SLC35E2B: variants seen among roughly 807,000 people sequenced by gnomAD.
SLC35E2B encodes solute carrier family 35 member E2B.
In SLC35E2B, 18 loss-of-function variants were observed where a neutral mutation model predicts 32.4. That is an observed-to-expected ratio of 0.56 (90% CI 0.38 to 0.82). The LOEUF is 0.82. SLC35E2B is among the 40% of genes least tolerant of loss of function. The probability of loss-of-function intolerance (pLI) is 0.00; values close to 1 mark genes in which losing one functional copy is unlikely to be tolerated. For synonymous variants in SLC35E2B, 132 were observed against 209.1 expected, an observed-to-expected ratio of 0.63 and a Z score of 3.18; for missense variants, 263 against 469.5, an observed-to-expected ratio of 0.56 and a Z score of 4.06.
At chr1:1,666,325 AGAG>A (rs1643545224) in intron 9 of SLC35E2B, among the ~76,000 whole-genome samples, 1 of 152,278 alleles carries the variant, frequency 6.6e-6, no homozygotes, top group South Asian at 2.1e-4. Context: ...TAAAAAAGGC[AGAG>A]GAGGAGAAAC....
intron 6 of SLC35E2B, 185 bp downstream of exon 6, chr1:1,671,324 G>T: frequency 1.7e-6 from 1 of 572,584 alleles, no homozygotes; most frequent in Non-Finnish European, 2.7e-6. Flanking sequence ...CTGAAATTTC[G>T]GCTTATTTTT....
chr1:1,669,733 G>A lies in SLC35E2B; in HGVS notation c.765C>T (p.Ala255=). The change falls in exon 8 of 10, where the codon GCC becomes GCT. Residue 255 remains alanine, a synonymous_variant. Coordinates refer to ENST00000617444, the MANE Select transcript of SLC35E2B (RefSeq NM_001290264.2). ...LLSGDKYRFS[A]PELQFYTSAA... is the part of the protein sequence containing the mutation. The stretch of plus-strand genomic sequence containing the variant: ...CGCTGGTGTAGAACTGCAGCTCCGG[G>A]GCCCTGTGGGTGACAGAACACGCTG... 1 of 1,547,192 alleles carries A rather than the reference G, an allele frequency of 6.5e-7. No individual in the cohort carries two copies. Among genetic ancestry groups the A allele is most frequent in the Non-Finnish European group, 8.7e-7 (1 of 1,145,374 alleles).
intron 9 of SLC35E2B, among the ~76,000 whole-genome samples, chr1:1,666,792 G>A (rs189980368): frequency 2.6e-5 from 4 of 151,462 alleles, no homozygotes; most frequent in East Asian, 1.9e-4. Flanking sequence ...GGCCGGGCAC[G>A]GGGGCTCAGC....
chr1:1,665,577 TG>T lies in SLC35E2B; in HGVS notation c.*204del. The T allele has an allele frequency of 1.3e-6, 1 of 743,820 alleles. No homozygotes were observed. The highest frequency in any genetic ancestry group is 2.1e-6 in the Non-Finnish European group (1 of 468,900). The allele number at this position is 743,820 out of a possible 1,614,324, so 46.1% of individuals were successfully genotyped here. A position where few individuals can be genotyped will look rare whatever the true frequency, so the allele number is the denominator to read the frequency against. On this transcript the variant is annotated 3_prime_UTR_variant, in exon 10 of 10. Transcript: ENST00000617444. ...CGGCGGACACAGTCAGCTACTGGTC[TG>T]GTCTCTACTCCAGGAAGCTGATACC...
intron 2 of SLC35E2B, among the ~76,000 whole-genome samples, chr1:1,683,514 C>T (rs575998853): frequency 1.3e-5 from 2 of 152,338 alleles, no homozygotes; most frequent in Non-Finnish European, 2.9e-5. Context: ...GGTTTCAGGC[C>T]CTCTCTGGGC....
intron 7 of SLC35E2B, 62 bp downstream of exon 7, chr1:1,670,036 C>A (rs752936487): frequency 7.1e-7 from 1 of 1,410,904 alleles, no homozygotes; most frequent in Non-Finnish European, 9.8e-7. Flanking sequence ...CTGACTCTTA[C>A]AGTGAGCAGG....
chr1:1,679,787 G>A lies in SLC35E2B; in HGVS notation c.-147-2941C>T, dbSNP rs146599966. Among the ~76,000 whole-genome samples, 676 of 139,608 alleles carry A rather than the reference G, an allele frequency of 4.8e-3. 9 individuals are homozygous for A. The highest frequency in any genetic ancestry group is 0.034 in the East Asian group (158 of 4,678). The allele number at this position is 139,608 out of a possible 152,430, so 91.6% of individuals were successfully genotyped here. ...GCAGAGCTTGCAGTGAGCTGAGATC[G>A]CGCCATTGCACCCCAGCCTGAGCAA... is the stretch of plus-strand genomic sequence containing the variant. On this transcript the variant is annotated intron_variant, in intron 2 of 9. Transcript: ENST00000617444.
rs1643443021 is a variant in SLC35E2B, at chr1:1,662,941, G to A, written c.*2841C>T. 1.1e-6 allele frequency: 1 copy of A among 891,542 alleles called. No homozygotes were observed. The highest frequency in any genetic ancestry group is 4.9e-5 in the South Asian group (1 of 20,306). The allele number at this position is 891,542 out of a possible 1,614,324, so 55.2% of individuals were successfully genotyped here. On this transcript the variant is annotated 3_prime_UTR_variant, in exon 10 of 10. Transcript: ENST00000617444. ...ATTACACAAAGTTATTTTAAAAAAT[G>A]TCTGTACAATCGTTAACACGGCCAA...
At chr1:1,666,388 C>T (rs764476324) in intron 9 of SLC35E2B, among the ~76,000 whole-genome samples, 4 of 152,134 alleles carry the variant, frequency 2.6e-5, no homozygotes, top group South Asian at 2.1e-4. Flanking sequence ...TCATGACATC[C>T]GCCTCATCAG....
At chr1:1,675,386 G>A in intron 5 of SLC35E2B, 77 bp downstream of exon 5, 5 of 1,444,350 alleles carry the variant, frequency 3.5e-6, no homozygotes, top group Non-Finnish European at 4.6e-6. Context: ...CCCATGGCAG[G>A]CAGCAGAGAC....
At position 1,673,735 on chromosome 1, in the gene SLC35E2B, T is replaced by G. The variant is rs370005891; in HGVS notation, c.586+1728A>C. Among the ~76,000 whole-genome samples the G allele has an allele frequency of 2.3e-3, 347 of 151,190 alleles. 1 individual carries two copies. The highest frequency in any genetic ancestry group is 7.7e-3 in the African/African-American group (317 of 41,106). On this transcript the variant is annotated intron_variant, in intron 5 of 9. Transcript: ENST00000617444. ...CCCAGCACTTTGGGAGGCTGAGGCGTGCGGATCAACGAGGTCAGGAGATCG... is the reference window on the plus strand; with the variant it reads ...CCCAGCACTTTGGGAGGCTGAGGCGGGCGGATCAACGAGGTCAGGAGATCG...
intron 2 of SLC35E2B, among the ~76,000 whole-genome samples, chr1:1,678,318 C>T (rs1643871162): frequency 2.0e-5 from 3 of 152,102 alleles, no homozygotes; most frequent in Admixed American, 1.3e-4. Flanking sequence ...CTCAGGCCGG[C>T]CTCTCCCCCA....
At chr1:1,674,112 G>A (rs1643778694) in intron 5 of SLC35E2B, 1 of 175,608 alleles carries the variant, frequency 5.7e-6, no homozygotes, top group Non-Finnish European at 1.3e-5. Flanking sequence ...CTATTGCTTA[G>A]AGGAAAATTC....
rs1171037900 is a variant in SLC35E2B at position 1,664,385 on chromosome 1, A to C, written c.*1397T>G. On this transcript the variant is annotated 3_prime_UTR_variant, in exon 10 of 10. Transcript: ENST00000617444. ...CCAGTGAAGTGACCATGGGTGCCAA[A>C]GGCCTAAAGAGCAGGCAGGGAAATG... 1 of 940,080 alleles carries C rather than the reference A, an allele frequency of 1.1e-6. No homozygotes were observed. Among genetic ancestry groups the C allele is most frequent in the African/African-American group, 1.8e-5 (1 of 56,402 alleles). The allele number at this position is 940,080 out of a possible 1,614,324, so 58.2% of individuals were successfully genotyped here.
In SLC35E2B at chr1:1,665,003, A is replaced by G. The variant is rs1643504159; in HGVS notation, c.*779T>C. 8.2e-6 allele frequency: 8 copies of G among 979,782 alleles called. No homozygotes were observed. The highest frequency in any genetic ancestry group is 7.3e-6 in the Non-Finnish European group (6 of 824,982). The allele number at this position is 979,782 out of a possible 1,614,324, so 60.7% of individuals were successfully genotyped here. A position where few individuals can be genotyped will look rare whatever the true frequency, so the allele number is the denominator to read the frequency against. On this transcript the variant is annotated 3_prime_UTR_variant, in exon 10 of 10. Coordinates refer to ENST00000617444, the MANE Select transcript of SLC35E2B (RefSeq NM_001290264.2). ...ACACGAGAGGTTTGTCCTCAACCTC[A>G]GGGCTGGAAACCCCCACAGGTAGGA...
intron 2 of SLC35E2B, among the ~76,000 whole-genome samples, chr1:1,685,017 GA>G (rs1206776218): frequency 6.7e-6 from 1 of 150,224 alleles, no homozygotes; most frequent in Non-Finnish European, 1.5e-5. Flanking sequence ...TTAGGCAGGA[GA>G]ATCACTTGAA....
chr1:1,670,199 G>C (rs1197080283), intron 6 of SLC35E2B, 48 bp from the exon 7 acceptor site: 1 of 1,347,936 alleles, frequency 7.4e-7, no homozygotes, highest in East Asian at 2.5e-5. Context: ...CCTCGGCACG[G>C]AACATCAGGG....
Position 1,662,945 on chromosome 1 carries a change from G to C in SLC35E2B, c.*2837C>G. 2 of 900,576 alleles carry C rather than the reference G, an allele frequency of 2.2e-6. No individual in the cohort carries two copies. Among genetic ancestry groups the C allele is most frequent in the Non-Finnish European group, 2.7e-6 (2 of 751,284 alleles). 55.8% of individuals were successfully genotyped at this position (900,576 alleles called of 1,614,324 possible). A position where few individuals can be genotyped will look rare whatever the true frequency, so the allele number is the denominator to read the frequency against. ...CACAAAGTTATTTTAAAAAATGTCTGTACAATCGTTAACACGGCCAAGCCA... is the reference window on the plus strand; with the variant it reads ...CACAAAGTTATTTTAAAAAATGTCTCTACAATCGTTAACACGGCCAAGCCA... On this transcript the variant is annotated 3_prime_UTR_variant, in exon 10 of 10. Coordinates refer to ENST00000617444, the MANE Select transcript of SLC35E2B (RefSeq NM_001290264.2).
chr1:1,663,682 G>T lies in SLC35E2B; in HGVS notation c.*2100C>A. On this transcript the variant is annotated 3_prime_UTR_variant, in exon 10 of 10. Coordinates refer to ENST00000617444, the MANE Select transcript of SLC35E2B (RefSeq NM_001290264.2). ...GACAGGGTTTCATCATGTTGGCCAGGCTGGTCTCGAACTCCTGGCCTTGTG... is the reference window on the plus strand; with the variant it reads ...GACAGGGTTTCATCATGTTGGCCAGTCTGGTCTCGAACTCCTGGCCTTGTG... 3.6e-6 allele frequency: 1 copy of T among 274,000 alleles called. No individual in the cohort carries two copies. The highest frequency in any genetic ancestry group is 5.6e-6 in the Non-Finnish European group (1 of 179,800). 17.0% of individuals were successfully genotyped at this position (274,000 alleles called of 1,614,324 possible). A position where few individuals can be genotyped will look rare whatever the true frequency, so the allele number is the denominator to read the frequency against.
Sources: allele counts gnomAD v4.1 joint callset (sites outside exome capture counted in the v4.1 genomes callset), GRCh38; gene constraint gnomAD v4.1.1; transcripts MANE v1.5; gene names NCBI Gene and HGNC (gene_info 2026-07-23, HGNC 2026-07-21).